Variants in ADAM19 observed in about 807,000 individuals in gnomAD.
The protein encoded by ADAM19 is disintegrin and metalloproteinase domain-containing protein 19.
Under a neutral mutation model 114.7 loss-of-function variants are expected in ADAM19, and 65 were observed. The ratio of observed to expected loss-of-function variants is 0.57; its 90% CI spans 0.46 to 0.70. The LOEUF (loss-of-function observed/expected upper bound fraction) is 0.70, where lower values mean the gene tolerates loss of function less well. Among genes scored for constraint, ADAM19 ranks in the 30% least tolerant of loss-of-function variants. The probability of loss-of-function intolerance (pLI) is 0.00; values close to 1 mark genes in which losing one functional copy is unlikely to be tolerated. For missense variants in ADAM19, 1,063 were observed against 1,204.7 expected, an observed-to-expected ratio of 0.88 and a Z score of 1.74; for synonymous variants, 466 against 460.5, an observed-to-expected ratio of 1.01 and a Z score of -0.15.
rs139027135 is a variant in ADAM19 at position 157,491,688 on chromosome 5, C to G, written c.2022G>C (p.Pro674=). 9 of 1,584,266 alleles carry G rather than the reference C, an allele frequency of 5.7e-6. No individual in the cohort carries two copies. The highest frequency in any genetic ancestry group is 7.7e-6 in the Non-Finnish European group (9 of 1,163,692). Residue 674 remains proline, a synonymous_variant, in exon 18 of 23, where the codon CCG becomes CCC. Coordinates refer to ENST00000257527, the MANE Select transcript of ADAM19 (RefSeq NM_033274.5). The part of the protein sequence containing the change: ...CNNNQNCHCL[P]GWAPPFCNTP... ...TGTTGCAGAAGGGCGGGGCCCAGCC[C>G]GGCAGGCAGTGGCAGTTCTGGTTGT...
intron 7 of ADAM19, among the ~76,000 whole-genome samples, chr5:157,516,552 GA>G (rs2113735986): frequency 6.6e-6 from 1 of 152,272 alleles, no homozygotes; most frequent in African/African-American, 2.4e-5. Context: ...AGATTCCTCT[GA>G]GAACAATGCA....
chr5:157,536,833 G>C (rs1161834960), intron 4 of ADAM19, among the ~76,000 whole-genome samples: 1 of 152,168 alleles, frequency 6.6e-6, no homozygotes, highest in Non-Finnish European at 1.5e-5. Flanking sequence ...CTGATGCAGA[G>C]GGACCTCTCC....
chr5:157,477,429 GAGA>G lies in ADAM19; in HGVS notation c.*3517_*3519del, dbSNP rs1399993487. 10 of 1,030,806 alleles carry G rather than the reference GAGA, an allele frequency of 9.7e-6. No individual in the cohort carries two copies. Among genetic ancestry groups the G allele is most frequent in the African/African-American group, 8.4e-5 (5 of 59,418 alleles). The allele number at this position is 1,030,806 out of a possible 1,614,324, so 63.9% of individuals were successfully genotyped here. ...GTAAACAATTAATAGGTGGACAAGA[GAGA>G]AGAAGATCTGTTTTCCGTGAACAAT... On this transcript the variant is annotated 3_prime_UTR_variant, in exon 23 of 23. Transcript: ENST00000257527.
chr5:157,558,145 T>G (rs1757416769), intron 3 of ADAM19, among the ~76,000 whole-genome samples: 1 of 152,206 alleles, frequency 6.6e-6, no homozygotes, highest in Admixed American at 6.5e-5. Flanking sequence ...ACTTGGAATT[T>G]AAATCCACTC....
Position 157,493,171 on chromosome 5 carries a change from C to G in ADAM19, c.1710G>C (p.Ala570=). 6.2e-7 allele frequency: 1 copy of G among 1,613,524 alleles called. No homozygotes were observed. Among genetic ancestry groups the G allele is most frequent in the South Asian group, 1.1e-5 (1 of 91,066 alleles). The part of the protein sequence containing the change: ...GEHRKCNMRD[A]KCGKIQCQSS... ...TCTGACACTGGATCTTCCCACACTTCGCATCTCTGGGCACAAGAGACAGAG... is the reference window on the plus strand; with the variant it reads ...TCTGACACTGGATCTTCCCACACTTGGCATCTCTGGGCACAAGAGACAGAG... The change falls in exon 16 of 23, where the codon GCG becomes GCC. Residue 570 remains alanine (A), a synonymous_variant. Coordinates refer to ENST00000257527, the MANE Select transcript of ADAM19 (RefSeq NM_033274.5).
Position 157,478,873 on chromosome 5 carries a change from T to C in ADAM19, c.*2076A>G. The C allele has an allele frequency of 1.0e-6, 1 of 985,736 alleles. No individual in the cohort carries two copies. The highest frequency in any genetic ancestry group is 6.1e-5 in the Admixed American group (1 of 16,278). The allele number at this position is 985,736 out of a possible 1,614,324, so 61.1% of individuals were successfully genotyped here. On this transcript the variant is annotated 3_prime_UTR_variant, in exon 23 of 23. Coordinates refer to ENST00000257527, the MANE Select transcript of ADAM19 (RefSeq NM_033274.5). Reference sequence around the variant, plus strand: ...ATGGCTCATGCAGTCACTATGGCTGTGGCGCTGTCATTTCAGAGCTATCTA... The same window carrying C: ...ATGGCTCATGCAGTCACTATGGCTGCGGCGCTGTCATTTCAGAGCTATCTA...
intron 3 of ADAM19, among the ~76,000 whole-genome samples, chr5:157,547,254 T>C (rs1581345383): frequency 6.6e-6 from 1 of 152,156 alleles, no homozygotes; most frequent in Non-Finnish European, 1.5e-5. Context: ...AGGTGGCTTG[T>C]CCAAGGTCCC....
intron 3 of ADAM19, among the ~76,000 whole-genome samples, chr5:157,547,736 C>T (rs1372542364): frequency 6.6e-6 from 1 of 152,206 alleles, no homozygotes; most frequent in Admixed American, 6.5e-5. Flanking sequence ...TCCCTCAGCC[C>T]ACATGCAACC....
chr5:157,541,853 C>T (rs1756927063), intron 3 of ADAM19, among the ~76,000 whole-genome samples: 1 of 152,222 alleles, frequency 6.6e-6, no homozygotes, highest in South Asian at 2.1e-4. Flanking sequence ...CTTCTGGGAG[C>T]TCAAACCTTC....
rs773574626 is a variant in ADAM19 at position 157,481,878 on chromosome 5, G to A, written c.2616C>T (p.Ser872=). 1.3e-6 allele frequency: 2 copies of A among 1,599,096 alleles called. No homozygotes were observed. Among genetic ancestry groups the A allele is most frequent in the Non-Finnish European group, 1.7e-6 (2 of 1,172,764 alleles). The change falls in exon 22 of 23, where the codon AGC becomes AGT. Residue 872 remains serine, a synonymous_variant. Transcript: ENST00000257527. The part of the protein sequence containing the change: ...LPANPVPGRR[S]LPRPGGASPL... The stretch of plus-strand genomic sequence containing the variant: ...GGGATGCACCTCCTGGCCTGGGGAG[G>A]CTCCTGCGGCCTGGCACTGGGTTTG...
chr5:157,555,357 T>C (rs1757338211), intron 3 of ADAM19, among the ~76,000 whole-genome samples: 2 of 152,324 alleles, frequency 1.3e-5, no homozygotes, highest in South Asian at 4.1e-4. Flanking sequence ...GTGACAATCA[T>C]TCCTAGTTAT....
At chr5:157,488,531 T>A in intron 20 of ADAM19, 42 bp from the exon 21 acceptor site, 1 of 1,480,002 alleles carries the variant, frequency 6.8e-7, no homozygotes. Context: ...AAGAAATCAC[T>A]CAGGGCTGGC....
intron 1 of ADAM19, among the ~76,000 whole-genome samples, chr5:157,573,896 C>G (rs1757897212): frequency 6.6e-6 from 1 of 152,312 alleles, no homozygotes; most frequent in South Asian, 2.1e-4. Flanking sequence ...CTTGTATCAC[C>G]CCTTTCTAAT....
intron 7 of ADAM19, among the ~76,000 whole-genome samples, chr5:157,515,450 A>C (rs1466617337): frequency 6.6e-6 from 1 of 152,212 alleles, no homozygotes; most frequent in East Asian, 1.9e-4. Context: ...TTTTCTGCAA[A>C]GGCCGGATTA....
At chr5:157,522,289 T>G (rs1756317932) in intron 5 of ADAM19, among the ~76,000 whole-genome samples, 1 of 129,784 alleles carries the variant, frequency 7.7e-6, no homozygotes, top group Admixed American at 7.5e-5. Context: ...GGATTTGTTT[T>G]TTGTTTTTGT....
rs1249177982 is a variant in ADAM19 at position 157,564,395 on chromosome 5, T to C, written c.229A>G (p.Ile77Val). ...LRVMAEGREL[I>V]LDLEKNEQLF... is the part of the protein sequence containing the mutation. ...TACTCATTCTTCTCCAGGTCCAGGA[T>C]CAGTTCTCGCCCCTCAGCCATTACC... The change falls in exon 3 of 23, where the codon ATC becomes GTC. Residue 77 changes from isoleucine to valine, a missense_variant. Ile to Val is a conservative substitution (Grantham distance 29). Around this residue, in one of 3 missense-constraint regions of ADAM19, gnomAD observed 615 missense variants for 706.3 expected, o/e 0.87. Coordinates refer to ENST00000257527, the MANE Select transcript of ADAM19 (RefSeq NM_033274.5). 5 of 1,614,190 alleles carry C rather than the reference T, an allele frequency of 3.1e-6. No individual in the cohort carries two copies. In the South Asian group the frequency reaches 5.5e-5, roughly 18 times the overall value.
intron 3 of ADAM19, among the ~76,000 whole-genome samples, chr5:157,550,975 T>A (rs904630163): frequency 1.3e-5 from 2 of 152,190 alleles, no homozygotes; most frequent in Non-Finnish European, 2.9e-5. Flanking sequence ...ACATAGACTA[T>A]AATATCACAC....
chr5:157,521,583 C>T (rs1756287669), intron 5 of ADAM19, among the ~76,000 whole-genome samples: 1 of 152,202 alleles, frequency 6.6e-6, no homozygotes, highest in Admixed American at 6.5e-5. Context: ...CGGATCCCAT[C>T]CCTGGCTGAC....
Position 157,480,376 on chromosome 5 carries a change from C to T in ADAM19, c.*573G>A. The T allele has an allele frequency of 1.0e-6, 1 of 987,766 alleles. No individual in the cohort carries two copies. Among genetic ancestry groups the T allele is most frequent in the Non-Finnish European group, 1.2e-6 (1 of 831,698 alleles). 61.2% of individuals were successfully genotyped at this position (987,766 alleles called of 1,614,324 possible). ...TGGGGAGAGGTGGGAGGGGACGTGG[C>T]TTGTCACATGCAGCCATACAGCCAG... On this transcript the variant is annotated 3_prime_UTR_variant, in exon 23 of 23. Transcript: ENST00000257527.
Sources: allele counts gnomAD v4.1 joint callset (sites outside exome capture counted in the v4.1 genomes callset), GRCh38; gene constraint gnomAD v4.1.1; regional missense constraint gnomAD v4.1.1; transcripts MANE v1.5; gene names NCBI Gene and HGNC (gene_info 2026-07-23, HGNC 2026-07-21).